ASCC3: variants seen among roughly 807,000 people sequenced by gnomAD.
ASCC3 encodes activating signal cointegrator 1 complex subunit 3.
Under a neutral mutation model 256.3 loss-of-function variants are expected in ASCC3, and 158 were observed. The observed-to-expected ratio is 0.62, with a 90% CI of 0.54 to 0.70. ASCC3 has a LOEUF of 0.70. ASCC3 is among the 30% of genes least tolerant of loss of function. The pLI, the probability that ASCC3 is intolerant of heterozygous loss-of-function variation, is 0.00. For synonymous variants in ASCC3, 948 were observed against 883.4 expected, an observed-to-expected ratio of 1.07 and a Z score of -1.30; for missense variants, 2,259 against 2,626.0, an observed-to-expected ratio of 0.86 and a Z score of 3.05.
chr6:100,826,711 A>C (rs1310375206), intron 4 of ASCC3, among the ~76,000 whole-genome samples: 1 of 152,168 alleles, frequency 6.6e-6, no homozygotes, highest in Non-Finnish European at 1.5e-5. Context: ...CAACATTCAG[A>C]GTAAGGTTTT....
At chr6:100,829,951 G>T (rs1771541221) in intron 4 of ASCC3, among the ~76,000 whole-genome samples, 1 of 152,010 alleles carries the variant, frequency 6.6e-6, no homozygotes, top group African/African-American at 2.4e-5. Flanking sequence ...TGATAACCAA[G>T]AAGAAATCAG....
intron 34 of ASCC3, among the ~76,000 whole-genome samples, chr6:100,593,529 T>C (rs1208103303): frequency 6.6e-6 from 1 of 152,168 alleles, no homozygotes; most frequent in Non-Finnish European, 1.5e-5. Flanking sequence ...GGTTTTATAT[T>C]AATGTAAAAC....
intron 3 of ASCC3, among the ~76,000 whole-genome samples, chr6:100,851,918 C>T (rs1427404504): frequency 6.6e-6 from 1 of 152,086 alleles, no homozygotes; most frequent in Non-Finnish European, 1.5e-5. Context: ...GCAACCACCC[C>T]GGCTTGTCTT....
chr6:100,578,472 T>C (rs1771001149), intron 36 of ASCC3, among the ~76,000 whole-genome samples: 1 of 152,090 alleles, frequency 6.6e-6, no homozygotes, highest in South Asian at 2.1e-4. Context: ...TTCGTGTCCA[T>C]GTATTCTCAA....
Position 100,679,646 on chromosome 6 carries a change from C to A in ASCC3, c.2258G>T (p.Gly753Val). 4.3e-6 allele frequency: 7 copies of A among 1,613,428 alleles called. No homozygotes were observed. In the South Asian group the frequency reaches 4.4e-5, roughly 10 times the overall value. The change falls in exon 14 of 42, where the codon GGA becomes GTA. Residue 753 changes from glycine to valine, a missense_variant. Gly to Val is a moderately radical substitution (Grantham distance 109). This residue lies in a region of ASCC3 where 1,839 missense variants were observed against 2,206.7 expected (regional missense o/e 0.83). Transcript: ENST00000369162. ...GHIPFFFPTQ[G>V]HDYVLAEKQV... is the part of the protein sequence containing the mutation. ...TTTTTCTGCAAGTACATAGTCATGT[C>A]CTTGGGTAGGAAAAAAGAAGGGAAT...
chr6:100,878,712 A>G (rs1174976966), intron 1 of ASCC3, among the ~76,000 whole-genome samples: 1 of 152,228 alleles, frequency 6.6e-6, no homozygotes, highest in South Asian at 2.1e-4. Flanking sequence ...AGGCAGACTG[A>G]AGGAATTTAC....
intron 10 of ASCC3, among the ~76,000 whole-genome samples, chr6:100,745,777 A>T (rs1780637250): frequency 6.6e-6 from 1 of 152,162 alleles, no homozygotes; most frequent in African/African-American, 2.4e-5. Context: ...ATTTATGGCT[A>T]GTGGCTACTG....
chr6:100,644,901 C>A (rs1582624564), intron 22 of ASCC3, among the ~76,000 whole-genome samples: 1 of 152,264 alleles, frequency 6.6e-6, no homozygotes, highest in East Asian at 1.9e-4. Flanking sequence ...TGAGAAGTAC[C>A]CAAAAGTGTC....
At chr6:100,778,281 T>C (rs1240582870) in intron 8 of ASCC3, among the ~76,000 whole-genome samples, 1 of 152,110 alleles carries the variant, frequency 6.6e-6, no homozygotes, top group Non-Finnish European at 1.5e-5. Context: ...AATTTGAAAG[T>C]CATGGAAAGG....
intron 4 of ASCC3, among the ~76,000 whole-genome samples, chr6:100,806,670 C>T (rs934093129): frequency 1.3e-5 from 2 of 151,820 alleles, no homozygotes; most frequent in Non-Finnish European, 2.9e-5. Flanking sequence ...AGAGAATCCA[C>T]ACAAATAAAA....
intron 10 of ASCC3, among the ~76,000 whole-genome samples, chr6:100,738,344 GT>G (rs1210142023): frequency 1.3e-5 from 2 of 152,148 alleles, no homozygotes; most frequent in Non-Finnish European, 2.9e-5. Flanking sequence ...GGGTTTTGTA[GT>G]TTGGGGTTTT....
chr6:100,768,632 T>G (rs1163743906), intron 8 of ASCC3, among the ~76,000 whole-genome samples: 1 of 152,030 alleles, frequency 6.6e-6, no homozygotes, highest in Non-Finnish European at 1.5e-5. Flanking sequence ...ACAATTACAA[T>G]CAAAGATTTC....
intron 14 of ASCC3, among the ~76,000 whole-genome samples, chr6:100,664,823 C>A (rs1772951378): frequency 1.3e-5 from 2 of 152,110 alleles, no homozygotes; most frequent in Non-Finnish European, 2.9e-5. Context: ...TACTTCATTT[C>A]TTTTCTAATA....
intron 36 of ASCC3, among the ~76,000 whole-genome samples, chr6:100,580,867 A>C (rs903188234): frequency 6.6e-6 from 1 of 151,780 alleles, no homozygotes; most frequent in Non-Finnish European, 1.5e-5. Flanking sequence ...TTTACTGAGA[A>C]TGATGATTTC....
At chr6:100,868,077 G>T in intron 1 of ASCC3, 39 bp from the exon 2 acceptor site, 1 of 1,110,138 alleles carries the variant, frequency 9.0e-7, no homozygotes, top group East Asian at 2.5e-5. Context: ...GTTCGGAAGA[G>T]GTGGCAGAGG....
At chr6:100,543,979 T>G (rs1221061386) in intron 36 of ASCC3, among the ~76,000 whole-genome samples, 1 of 152,098 alleles carries the variant, frequency 6.6e-6, no homozygotes, top group East Asian at 1.9e-4. Flanking sequence ...AAGTGATACT[T>G]TGACTGCAAG....
At chr6:100,735,672 G>C (rs1780120920) in intron 10 of ASCC3, among the ~76,000 whole-genome samples, 1 of 151,842 alleles carries the variant, frequency 6.6e-6, no homozygotes, top group Admixed American at 6.6e-5. Flanking sequence ...CCTAGAAAAA[G>C]GCACAGACAC....
chr6:100,735,161 G>C (rs1474778917), intron 10 of ASCC3, among the ~76,000 whole-genome samples: 2 of 151,988 alleles, frequency 1.3e-5, no homozygotes, highest in East Asian at 3.9e-4. Flanking sequence ...TATATAATAG[G>C]AAAATATTCC....
At chr6:100,837,822 C>G (rs1425752045) in intron 4 of ASCC3, among the ~76,000 whole-genome samples, 1 of 151,696 alleles carries the variant, frequency 6.6e-6, no homozygotes, top group Non-Finnish European at 1.5e-5. Flanking sequence ...ATCTAGTGCA[C>G]AGTAGGATGA....
Sources: gnomAD v4.1 joint callset for allele counts (sites outside exome capture counted in the v4.1 genomes callset) on GRCh38, gnomAD v4.1.1 for gene constraint, gnomAD v4.1.1 regional missense constraint, MANE v1.5 for transcripts, NCBI Gene and HGNC (gene_info 2026-07-23, HGNC 2026-07-21) for gene names.